PAK3: variants seen among roughly 807,000 people sequenced by gnomAD.
PAK3 encodes p21 (RAC1) activated kinase 3, also known as serine/threonine-protein kinase PAK 3.
In PAK3, 4 loss-of-function variants were observed where a neutral mutation model predicts 41.0. The ratio of observed to expected loss-of-function variants is 0.10; its 90% CI spans 0.05 to 0.22. The LOEUF is 0.22. Among genes scored for constraint, PAK3 ranks in the 10% least tolerant of loss-of-function variants. The pLI is 1.00. For missense variants in PAK3, 205 were observed against 409.9 expected, an observed-to-expected ratio of 0.50 and a Z score of 4.32; for synonymous variants, 146 against 139.6, an observed-to-expected ratio of 1.05 and a Z score of -0.32.
chrX:111,065,316 C>CG (rs1303449057), intron 1 of PAK3, among the ~76,000 whole-genome samples: 1 of 20,869 alleles, frequency 4.8e-5, no homozygotes, highest in Non-Finnish European at 7.7e-4. Context: ...AAGATGATCA[C>CG]GTTTTTTTTT....
intron 1 of PAK3, among the ~76,000 whole-genome samples, chrX:110,964,256 T>G (rs908604541): frequency 8.9e-6 from 1 of 112,086 alleles, no homozygotes; most frequent in African/African-American, 3.2e-5. Flanking sequence ...ATTCAAAAGC[T>G]CAAGCATTTT....
chrX:111,055,139 T>C (rs1476310499), intron 1 of PAK3, among the ~76,000 whole-genome samples: 1 of 112,003 alleles, frequency 8.9e-6, no homozygotes, highest in Non-Finnish European at 1.9e-5. Flanking sequence ...ACATGGACTC[T>C]TTGCCTTGAG....
chrX:111,104,115 G>C (rs759734569), intron 4 of PAK3, among the ~76,000 whole-genome samples: 2 of 111,761 alleles, frequency 1.8e-5, no homozygotes, highest in East Asian at 5.7e-4. Context: ...TTCATGGCCT[G>C]TCTCTCCGAT....
At chrX:111,219,229 T>TAAG (rs1291808952) in intron 17 of PAK3, among the ~76,000 whole-genome samples, 7 of 100,451 alleles carry the variant, frequency 7.0e-5, no homozygotes, top group African/African-American at 2.4e-4. Context: ...ATAATAATAA[T>TAAG]AATAATAAGC....
intron 17 of PAK3, chrX:111,217,473 C>T (rs1207468744): frequency 4.9e-5 from 46 of 943,954 alleles, no homozygotes; most frequent in Admixed American, 9.1e-5. Flanking sequence ...GGTTATACAG[C>T]GCATTAACCA....
intron 1 of PAK3, among the ~76,000 whole-genome samples, chrX:111,028,171 G>A (rs2092298949): frequency 9.3e-6 from 1 of 107,515 alleles, no homozygotes; most frequent in Non-Finnish European, 1.9e-5. Flanking sequence ...AACATCGTAT[G>A]TTCTTACTCA....
chrX:111,178,530 G>T, intron 11 of PAK3, among the ~76,000 whole-genome samples: 1 of 111,670 alleles, frequency 9.0e-6, no homozygotes, highest in Non-Finnish European at 1.9e-5. Context: ...ATAAATAAGA[G>T]AAGGCATTTA....
intron 4 of PAK3, among the ~76,000 whole-genome samples, chrX:111,111,682 C>T (rs189425416): frequency 4.5e-5 from 5 of 111,842 alleles, no homozygotes; most frequent in South Asian, 7.6e-4. Context: ...CTAAGCTATT[C>T]GGTTATTTTC....
At chrX:111,047,447 G>A (rs2092511042) in intron 1 of PAK3, among the ~76,000 whole-genome samples, 1 of 110,150 alleles carries the variant, frequency 9.1e-6, no homozygotes, top group Non-Finnish European at 1.9e-5. Context: ...GCAAAGTGCT[G>A]TAGGAGATAG....
intron 1 of PAK3, among the ~76,000 whole-genome samples, chrX:110,951,892 A>G (rs943795545): frequency 8.9e-6 from 1 of 112,187 alleles, no homozygotes; most frequent in Non-Finnish European, 1.9e-5. Flanking sequence ...TCATCTTAAG[A>G]CACTTGGAAA....
intron 1 of PAK3, among the ~76,000 whole-genome samples, chrX:110,996,821 C>A (rs2091748461): frequency 8.9e-6 from 1 of 112,069 alleles, no homozygotes; most frequent in African/African-American, 3.2e-5. Flanking sequence ...GGATAAATGT[C>A]TGTTGTTCAA....
chrX:111,088,522 AT>A (rs766435484), intron 1 of PAK3, among the ~76,000 whole-genome samples: 7 of 112,032 alleles, frequency 6.2e-5, no homozygotes, highest in African/African-American at 2.3e-4. Flanking sequence ...TATCATACCC[AT>A]TTTAGTCACA....
At chrX:111,048,215 GC>G (rs931448275) in intron 1 of PAK3, among the ~76,000 whole-genome samples, 2 of 110,583 alleles carry the variant, frequency 1.8e-5, no homozygotes, top group Non-Finnish European at 3.8e-5. Context: ...TCTCTCTCTA[GC>G]CATTCCTTCT....
Position 110,958,714 on chromosome X carries a change from A to G in PAK3, c.-28+14086A>G, listed in dbSNP as rs149116262. Among the ~76,000 whole-genome samples, 25 of 111,834 alleles carry G rather than the reference A, an allele frequency of 2.2e-4. No individual in the cohort carries two copies. In the East Asian group the frequency reaches 6.5e-3, roughly 29 times the overall value. ...AATGCTCATTTAGCATATAAGCTCT[A>G]TTACCTTGTTTTGATGGTAGTTAAC... On this transcript the variant is annotated intron_variant, in intron 1 of 14. Transcript: ENST00000425146.
intron 1 of PAK3, among the ~76,000 whole-genome samples, chrX:110,959,430 G>A (rs898165025): frequency 3.6e-5 from 4 of 111,123 alleles, no homozygotes; most frequent in Non-Finnish European, 5.7e-5. Context: ...CGGGCTTTCC[G>A]TCTGTATCCT....
intron 1 of PAK3, among the ~76,000 whole-genome samples, chrX:111,060,577 C>G (rs141374047): frequency 9.0e-6 from 1 of 110,786 alleles, no homozygotes; most frequent in Non-Finnish European, 1.9e-5. Context: ...ATTGTTAATT[C>G]GATATTTTTA....
chrX:111,029,656 C>A (rs185513597), intron 1 of PAK3, among the ~76,000 whole-genome samples: 133 of 111,940 alleles, frequency 1.2e-3, no homozygotes, highest in Non-Finnish European at 2.2e-3. Flanking sequence ...TGGGCCACTG[C>A]AGCTGCAGAC....
intron 16 of PAK3, among the ~76,000 whole-genome samples, chrX:111,203,261 A>G (rs1292480362): frequency 8.9e-6 from 1 of 112,224 alleles, no homozygotes; most frequent in Non-Finnish European, 1.9e-5. Context: ...GAGTAATACT[A>G]TAAAAGCCTA....
intron 11 of PAK3, among the ~76,000 whole-genome samples, chrX:111,189,109 G>A (rs1174951622): frequency 1.8e-5 from 2 of 110,852 alleles, no homozygotes; most frequent in East Asian, 2.8e-4. Context: ...AGTGTCTATT[G>A]TTGCCAGCTT....
Sources: gnomAD v4.1 joint callset for allele counts (sites outside exome capture counted in the v4.1 genomes callset) on GRCh38, gnomAD v4.1.1 for gene constraint, MANE v1.5 for transcripts, NCBI Gene and HGNC (gene_info 2026-07-23, HGNC 2026-07-21) for gene names.